CLUH: variants seen among roughly 807,000 people sequenced by gnomAD.
CLUH encodes the protein clustered mitochondria protein homolog.
Under a neutral mutation model 139.3 loss-of-function variants are expected in CLUH, and 77 were observed. That is an observed-to-expected ratio of 0.55 (90% CI 0.46 to 0.67). CLUH has a LOEUF of 0.67. CLUH is among the 30% of genes least tolerant of loss of function. CLUH has a pLI of 0.00. For synonymous variants in CLUH, 999 were observed against 801.6 expected, an observed-to-expected ratio of 1.25 and a Z score of -4.16; for missense variants, 1,876 against 1,875.8, an observed-to-expected ratio of 1.00 and a Z score of 0.00.
At chr17:2,702,273 G>A (rs1386166808) in intron 3 of CLUH, among the ~76,000 whole-genome samples, 1 of 152,228 alleles carries the variant, frequency 6.6e-6, no homozygotes, top group Non-Finnish European at 1.5e-5. Context: ...GGTGAGCAGG[G>A]ATCTTTGTTT....
chr17:2,693,946 A>C lies in CLUH; in HGVS notation c.3185T>G (p.Leu1062Arg), dbSNP rs2151697217. 1.2e-6 allele frequency: 2 copies of C among 1,613,616 alleles called. No individual in the cohort carries two copies. The highest frequency in any genetic ancestry group is 2.2e-5 in the East Asian group (1 of 44,874). ...GAMHVETCAC[L>R]RLLARLHYIM... The stretch of plus-strand genomic sequence containing the variant: ...GTAGTGGAGGCGGGCGAGGAGGCGC[A>C]GGCAGGCGCAGGTCTCCACGTGCAT... Residue 1062 changes from leucine (L) to arginine (R), a missense_variant, in exon 19 of 26, where the codon CTG becomes CGG. Coordinates refer to ENST00000651024, the MANE Select transcript of CLUH (RefSeq NM_001366661.1).
chr17:2,709,639 C>G lies in CLUH; in HGVS notation c.100+1923G>C, dbSNP rs1375862140. ...CTTAACCCCTAAAAGCCGCTGTATT[C>G]CCAGGAAGGTAACCAACCCTTGCCC... On this transcript the variant is annotated intron_variant, in intron 1 of 25. Coordinates refer to ENST00000651024, the MANE Select transcript of CLUH (RefSeq NM_001366661.1). Among the ~76,000 whole-genome samples, 6 of 152,058 alleles carry G rather than the reference C, an allele frequency of 3.9e-5. No homozygotes were observed. The East Asian group carries it at 1.2e-3, about 30-fold the overall frequency.
chr17:2,708,930 C>A (rs1178635808), intron 1 of CLUH, among the ~76,000 whole-genome samples: 2 of 152,098 alleles, frequency 1.3e-5, no homozygotes, highest in Non-Finnish European at 2.9e-5. Context: ...GGCCAATACT[C>A]CCTCCTCTCA....
chr17:2,692,362 T>C lies in CLUH; in HGVS notation c.3559A>G (p.Ser1187Gly), dbSNP rs867497496. The change falls in exon 22 of 26, where the codon AGC (serine) becomes GGC (glycine). Residue 1187 changes from serine (S) to glycine (G), a missense_variant and splice_region_variant. Ser to Gly is a moderately conservative substitution (Grantham distance 56). This residue lies in a region of CLUH where 1,454 missense variants were observed against 1,384.4 expected (regional missense o/e 1.05). Coordinates refer to ENST00000651024, the MANE Select transcript of CLUH (RefSeq NM_001366661.1). ...GCGTTTGGACGGGCGGCCCCTCACCTGAGGGCCACCTTGAGGGCCTTGGGC... is the reference window on the plus strand; with the variant it reads ...GCGTTTGGACGGGCGGCCCCTCACCCGAGGGCCACCTTGAGGGCCTTGGGC... ...HGPKALKVAL[S>G]HHLVARVYES... 4.4e-6 allele frequency: 7 copies of C among 1,576,828 alleles called. No individual in the cohort carries two copies. Among genetic ancestry groups the C allele is most frequent in the Admixed American group, 3.5e-5 (2 of 56,734 alleles).
intron 1 of CLUH, among the ~76,000 whole-genome samples, chr17:2,705,018 C>T (rs2070310367): frequency 6.6e-6 from 1 of 152,060 alleles, no homozygotes; most frequent in African/African-American, 2.4e-5. Context: ...CAGGGGAGTG[C>T]CTAGGCCCAG....
At chr17:2,691,709 G>T in intron 24 of CLUH, 27 bp from the exon 25 acceptor site, 1 of 1,609,024 alleles carries the variant, frequency 6.2e-7, no homozygotes, top group Non-Finnish European at 8.5e-7. Flanking sequence ...CCAGCGGTGA[G>T]CGGGGCTCCC....
chr17:2,694,669 C>T (rs1482971458), intron 16 of CLUH, 105 bp from the exon 17 acceptor site: 18 of 1,321,162 alleles, frequency 1.4e-5, no homozygotes, highest in Admixed American at 2.3e-5. Flanking sequence ...CCCAACACTG[C>T]CCCACCCGGC....
At chr17:2,700,036 C>A (rs769305840) in intron 9 of CLUH, among the ~76,000 whole-genome samples, 2 of 152,242 alleles carry the variant, frequency 1.3e-5, no homozygotes, top group African/African-American at 4.8e-5. Flanking sequence ...CAAATGAGCA[C>A]CCGCCCTAGA....
chr17:2,695,514 T>C lies in CLUH; in HGVS notation c.2404A>G (p.Met802Val), dbSNP rs780717065. The C allele has an allele frequency of 1.0e-5, 16 of 1,603,312 alleles. No individual in the cohort carries two copies. Among genetic ancestry groups the C allele is most frequent in the South Asian group, 3.3e-5 (3 of 90,860 alleles). The part of the protein sequence containing the change: ...CQIPGLVKDC[M>V]EHAVLPVDGA... ...TCCACGGGCAGGACCGCGTGCTCCA[T>C]GCAGTCCTTCACCTGCGGGCTGCAG... The change falls in exon 14 of 26, where the codon ATG becomes GTG. Residue 802 changes from methionine to valine, a missense_variant. Met to Val is a conservative substitution (Grantham distance 21). Transcript: ENST00000651024.
intron 4 of CLUH, 75 bp downstream of exon 4, chr17:2,701,839 C>A (rs1430804453): frequency 1.9e-6 from 3 of 1,594,512 alleles, no homozygotes; most frequent in South Asian, 1.1e-5. Flanking sequence ...CCAGGCCCCT[C>A]GGCCCCTTCT....
intron 1 of CLUH, among the ~76,000 whole-genome samples, chr17:2,708,741 G>A (rs2070422698): frequency 6.6e-6 from 1 of 151,664 alleles, no homozygotes; most frequent in Non-Finnish European, 1.5e-5. Context: ...CCGCTCCCAT[G>A]GACCCGCTCC....
At chr17:2,699,360 G>C (rs1448515765) in intron 9 of CLUH, among the ~76,000 whole-genome samples, 7 of 152,178 alleles carry the variant, frequency 4.6e-5, no homozygotes, top group Admixed American at 1.3e-4. Flanking sequence ...GTATCACGCT[G>C]TTGCCAAGGC....
chr17:2,695,551 C>CCCACCCAGCTCCTCTGCCT, intron 13 of CLUH, 25 bp from the exon 14 acceptor site: 1 of 1,566,180 alleles, frequency 6.4e-7, no homozygotes. Context: ...AGCTCAGGCC[C>CCCACCCAGCTCCTCTGCCT]CCACCCAGCT....
chr17:2,695,549 C>A, intron 13 of CLUH, 23 bp from the exon 14 acceptor site: 1 of 1,568,250 alleles, frequency 6.4e-7, no homozygotes, highest in Non-Finnish European at 8.6e-7. Flanking sequence ...GCAGCTCAGG[C>A]CCCCACCCAG....
At chr17:2,695,890 G>A in intron 13 of CLUH, 1 of 584,356 alleles carries the variant, frequency 1.7e-6, no homozygotes, top group Non-Finnish European at 3.0e-6. Context: ...AGCCCCCACT[G>A]AGCTCTGGCC....
chr17:2,705,602 C>T (rs2070328127), intron 1 of CLUH, among the ~76,000 whole-genome samples: 1 of 152,156 alleles, frequency 6.6e-6, no homozygotes, highest in Non-Finnish European at 1.5e-5. Context: ...CCACAGCCTG[C>T]CCAAATGACC....
rs748351806 is a variant in CLUH, at chr17:2,696,725, C to G, written c.2179G>C (p.Gly727Arg). 1 of 1,611,876 alleles carries G rather than the reference C, an allele frequency of 6.2e-7. No homozygotes were observed. The highest frequency in any genetic ancestry group is 1.7e-5 in the Admixed American group (1 of 60,008). The change falls in exon 11 of 26, where the codon GGC becomes CGC. Residue 727 changes from glycine to arginine, a missense_variant. Gly to Arg is a moderately radical substitution (Grantham distance 125). Coordinates refer to ENST00000651024, the MANE Select transcript of CLUH (RefSeq NM_001366661.1). ...ELAETIAADD[G>R]TADPRSREVI... ...CCATCTGCAGCAGCCCCACCTGTGC[C>G]GTCGTCTGCGGCGATGGTCTCTGCC...
At position 2,698,302 on chromosome 17, in the gene CLUH, G is replaced by C; in HGVS notation, c.1555C>G (p.Arg519Gly). The C allele has an allele frequency of 1.2e-6, 2 of 1,612,334 alleles. No individual in the cohort carries two copies. The highest frequency in any genetic ancestry group is 1.7e-6 in the Non-Finnish European group (2 of 1,179,536). The change falls in exon 10 of 26, where the codon CGG becomes GGG. Residue 519 changes from arginine to glycine, a missense_variant. By Grantham distance (125) the Arg-to-Gly change is moderately radical (BLOSUM62 -2). Coordinates refer to ENST00000651024, the MANE Select transcript of CLUH (RefSeq NM_001366661.1). Reference sequence around the variant, plus strand: ...GGGATGATGGACTGGGCCGTGACCCGGTAGCCGCGGTAATCCACCACCACC... The same window carrying C: ...GGGATGATGGACTGGGCCGTGACCCCGTAGCCGCGGTAATCCACCACCACC... ...GTVVVDYRGYRVTAQSIIPGI... is the reference protein window; with the variant it reads ...GTVVVDYRGYGVTAQSIIPGI...
At position 2,690,715 on chromosome 17, in the gene CLUH, C is replaced by A. The variant is rs760207056; in HGVS notation, c.3926G>T (p.Ser1309Ile). 4 of 1,559,566 alleles carry A rather than the reference C, an allele frequency of 2.6e-6. No individual in the cohort carries two copies. Among genetic ancestry groups the A allele is most frequent in the Non-Finnish European group, 3.4e-6 (4 of 1,160,000 alleles). The change falls in exon 26 of 26, where the codon AGC becomes ATC. Residue 1309 changes from serine (S) to isoleucine (I), a missense_variant. Ser to Ile is a moderately radical substitution (Grantham distance 142). Coordinates refer to ENST00000651024, the MANE Select transcript of CLUH (RefSeq NM_001366661.1). ...VARRHQLQEA[S>I]RNRDRAEEPM... ...CTCCTCGGCTCTATCCCTGTTTCTG[C>A]TGGCCTCCTGGAGCTGGTGCCGCCG...
Sources: gnomAD v4.1 joint callset for allele counts (sites outside exome capture counted in the v4.1 genomes callset) on GRCh38, gnomAD v4.1.1 for gene constraint, gnomAD v4.1.1 regional missense constraint, MANE v1.5 for transcripts, NCBI Gene and HGNC (gene_info 2026-07-23, HGNC 2026-07-21) for gene names.